CHAC1: variants seen among roughly 807,000 people sequenced by gnomAD.
The protein encoded by CHAC1 is ChaC glutathione specific gamma-glutamylcyclotransferase 1.
CHAC1 carries 22 observed loss-of-function variants against 22.1 expected under a neutral mutation model. That is an observed-to-expected ratio of 1.00 (90% CI 0.71 to 1.42). CHAC1 has a LOEUF of 1.42. Ranked by LOEUF, CHAC1 falls within the 40% of genes most tolerant of loss-of-function variation. The probability of loss-of-function intolerance (pLI) is 0.00; values close to 1 mark genes in which losing one functional copy is unlikely to be tolerated. For missense variants in CHAC1, 272 were observed against 299.2 expected (o/e 0.91, Z 0.67); for synonymous variants, 145 against 128.7 (o/e 1.13, Z -0.86).
rs754663494 is a variant in CHAC1, at chr15:40,953,826, A to C, written c.231+12A>C. ...GCAGCGACAAGATGGTGAGCATCCA[A>C]CCGTGCCCAGGGGAGTGAGGGGGTT... On this transcript the variant is annotated intron_variant, in intron 1 of 2. Coordinates refer to ENST00000617768, the MANE Select transcript of CHAC1 (RefSeq NM_024111.6). 17 of 1,572,178 alleles carry C rather than the reference A, an allele frequency of 1.1e-5. No homozygotes were observed. The highest frequency in any genetic ancestry group is 1.5e-5 in the Non-Finnish European group (17 of 1,162,136).
At chr15:40,954,082 C>T (rs1454558875) in intron 1 of CHAC1, 146 bp from the exon 2 acceptor site, 2 of 826,704 alleles carry the variant, frequency 2.4e-6, no homozygotes, top group Non-Finnish European at 4.0e-6. Flanking sequence ...GTGCATCGCT[C>T]CCCCACCTTC....
chr15:40,954,575 G>GTT (rs56101122), intron 2 of CHAC1, among the ~76,000 whole-genome samples: 7 of 149,806 alleles, frequency 4.7e-5, no homozygotes, highest in Admixed American at 2.7e-4. Context: ...TTTGTCAACT[G>GTT]TTTTTTTTTT....
chr15:40,953,926 C>A, intron 1 of CHAC1, 112 bp downstream of exon 1: 2 of 839,546 alleles, frequency 2.4e-6, no homozygotes, highest in East Asian at 2.6e-5. Flanking sequence ...ATGTGTAAAC[C>A]TGTGTCTGGG....
rs777628328 is a variant in CHAC1, at chr15:40,953,500, G to A, written c.-84G>A. ...GGAGCTACCGAGCGGTGCCAGGCCA[G>A]GTGTGTGCGTCCGTCGGTCTTTCCG... On this transcript the variant is annotated 5_prime_UTR_variant, in exon 1 of 3. Transcript: ENST00000617768. 17 of 1,585,186 alleles carry A rather than the reference G, an allele frequency of 1.1e-5. No individual in the cohort carries two copies. The highest frequency in any genetic ancestry group is 1.2e-5 in the Non-Finnish European group (14 of 1,169,130).
At position 40,953,534 on chromosome 15, in the gene CHAC1, C is replaced by T. The variant is rs149913206; in HGVS notation, c.-50C>T. 3.6e-3 allele frequency: 5,780 copies of T among 1,606,126 alleles called. 75 individuals carry two copies. Among genetic ancestry groups the T allele is most frequent in the South Asian group, 0.03 (2,767 of 90,860 alleles). On this transcript the variant is annotated 5_prime_UTR_variant, in exon 1 of 3. Transcript: ENST00000617768. ...GTCCGTCGGTCTTTCCGTGCCCACG[C>T]CGGAGACCAGCCCCGGAGGCCGCCT...
At position 40,955,280 on chromosome 15, in the gene CHAC1, G is replaced by A. The variant is rs544664243; in HGVS notation, c.268-93G>A. 2.8e-6 allele frequency: 4 copies of A among 1,405,272 alleles called. No individual in the cohort carries two copies. In the South Asian group the frequency reaches 5.1e-5, roughly 18 times the overall value. 87.1% of individuals were successfully genotyped at this position (1,405,272 alleles called of 1,614,324 possible). ...AGCCGACCACAGCCTCCCTTATAGA[G>A]CACAGTCCTGGGTGGGGGTGGCATG... is the stretch of plus-strand genomic sequence containing the variant. On this transcript the variant is annotated intron_variant, in intron 2 of 2. Coordinates refer to ENST00000617768, the MANE Select transcript of CHAC1 (RefSeq NM_024111.6).
chr15:40,954,672 T>C (rs1001359021), intron 2 of CHAC1, among the ~76,000 whole-genome samples: 1 of 152,110 alleles, frequency 6.6e-6, no homozygotes, highest in African/African-American at 2.4e-5. Context: ...GATGCAATCT[T>C]GGCTCACTGC....
intron 1 of CHAC1, among the ~76,000 whole-genome samples, 189 bp from the exon 2 acceptor site, chr15:40,954,039 A>ATT: frequency 6.6e-6 from 1 of 152,100 alleles, no homozygotes; most frequent in East Asian, 1.9e-4. Flanking sequence ...GACCACTGAC[A>ATT]TGTCAGTGTT....
intron 1 of CHAC1, 25 bp downstream of exon 1, chr15:40,953,839 G>A (rs1046078507): frequency 1.3e-6 from 2 of 1,546,390 alleles, no homozygotes; most frequent in East Asian, 4.5e-5. Context: ...GTGCCCAGGG[G>A]AGTGAGGGGG....
At position 40,955,779 on chromosome 15, in the gene CHAC1, C is replaced by G; in HGVS notation, c.*5C>G. 2.5e-5 allele frequency: 40 copies of G among 1,585,266 alleles called. No homozygotes were observed. Among genetic ancestry groups the G allele is most frequent in the Non-Finnish European group, 3.2e-5 (37 of 1,171,404 alleles). Reference sequence around the variant, plus strand: ...CAGGCTCTGGCGCTGGTGTGAGGGGCTGAGCCCCTGCGGGGAGTGCTCATG... The same window carrying G: ...CAGGCTCTGGCGCTGGTGTGAGGGGGTGAGCCCCTGCGGGGAGTGCTCATG... On this transcript the variant is annotated 3_prime_UTR_variant, in exon 3 of 3. Coordinates refer to ENST00000617768, the MANE Select transcript of CHAC1 (RefSeq NM_024111.6).
At position 40,954,273 on chromosome 15, in the gene CHAC1, C is replaced by T. The variant is rs1893179209; in HGVS notation, c.267+10C>T. ...CCTTGAAGATCATGAGGTAAGTGCC[C>T]GAATCATGAAGGGGAACCCTGGCCC... On this transcript the variant is annotated intron_variant, in intron 2 of 2. Coordinates refer to ENST00000617768, the MANE Select transcript of CHAC1 (RefSeq NM_024111.6). 1.2e-6 allele frequency: 2 copies of T among 1,613,876 alleles called. No individual in the cohort carries two copies. The highest frequency in any genetic ancestry group is 1.7e-6 in the Non-Finnish European group (2 of 1,179,924).
In CHAC1 at chr15:40,955,928, C is replaced by T; in HGVS notation, c.*154C>T. 2 of 724,904 alleles carry T rather than the reference C, an allele frequency of 2.8e-6. No individual in the cohort carries two copies. Among genetic ancestry groups the T allele is most frequent in the South Asian group, 2.0e-5 (1 of 51,072 alleles). The allele number at this position is 724,904 out of a possible 1,614,324, so 44.9% of individuals were successfully genotyped here. A position where few individuals can be genotyped will look rare whatever the true frequency, so the allele number is the denominator to read the frequency against. On this transcript the variant is annotated 3_prime_UTR_variant, in exon 3 of 3. Coordinates refer to ENST00000617768, the MANE Select transcript of CHAC1 (RefSeq NM_024111.6). ...TCTCAGTCCCTGCCTGTCTGCCAGC[C>T]TGCAGCTCTCCTGCTTGACACTGAC...
At chr15:40,954,384 C>T (rs1420231715) in intron 2 of CHAC1, 121 bp downstream of exon 2, 18 of 1,006,396 alleles carry the variant, frequency 1.8e-5, no homozygotes, top group Non-Finnish European at 2.6e-5. Context: ...AGAGTAGAAA[C>T]GTGTTCTAGC....
chr15:40,953,822 T>C lies in CHAC1; in HGVS notation c.231+8T>C. 6.3e-7 allele frequency: 1 copy of C among 1,579,928 alleles called. No individual in the cohort carries two copies. The highest frequency in any genetic ancestry group is 1.1e-5 in the South Asian group (1 of 89,014). On this transcript the variant is annotated splice_region_variant and intron_variant, in intron 1 of 2. Coordinates refer to ENST00000617768, the MANE Select transcript of CHAC1 (RefSeq NM_024111.6). ...CGGGGCAGCGACAAGATGGTGAGCA[T>C]CCAACCGTGCCCAGGGGAGTGAGGG...
At position 40,955,529 on chromosome 15, in the gene CHAC1, G is replaced by T; in HGVS notation, c.424G>T (p.Ala142Ser). 2 of 1,614,176 alleles carry T rather than the reference G, an allele frequency of 1.2e-6. No individual in the cohort carries two copies. The highest frequency in any genetic ancestry group is 1.7e-6 in the Non-Finnish European group (2 of 1,180,040). Residue 142 changes from alanine (A) to serine (S), a missense_variant, in exon 3 of 3, where the codon GCC becomes TCC. Coordinates refer to ENST00000617768, the MANE Select transcript of CHAC1 (RefSeq NM_024111.6). ...TCCTGACCAACCACTGAAGGCATTG[G>T]CCTATGTGGCCACCCCACAGAACCC... is the stretch of plus-strand genomic sequence containing the variant. ...DAPDQPLKAL[A>S]YVATPQNPGY...
At position 40,955,414 on chromosome 15, in the gene CHAC1, G is replaced by C. The variant is rs772909033; in HGVS notation, c.309G>C (p.Gln103His). The change falls in exon 3 of 3, where the codon CAG becomes CAC. Residue 103 changes from glutamine to histidine, a missense_variant. Physicochemically the swap from Gln to His is conservative, Grantham distance 24. Transcript: ENST00000617768. ...WGVAYQVQGE[Q>H]VSKALKYLNV... ...TGGCATACCAAGTGCAAGGGGAGCA[G>C]GTAAGCAAGGCCCTGAAGTACCTGA... The C allele has an allele frequency of 3.1e-6, 5 of 1,614,088 alleles. No homozygotes were observed. In the Admixed American group the frequency reaches 6.7e-5, roughly 22 times the overall value.
chr15:40,955,672 T>C lies in CHAC1; in HGVS notation c.567T>C (p.Cys189=). The change falls in exon 3 of 3, where the codon TGT becomes TGC. Residue 189 remains cysteine (C), a synonymous_variant. Coordinates refer to ENST00000617768, the MANE Select transcript of CHAC1 (RefSeq NM_024111.6). ...LLRLADFMQL[C]GPQAQDEHLA... Reference sequence around the variant, plus strand: ...GTCTGGCAGACTTCATGCAGCTCTGTGGGCCTCAGGCGCAGGACGAGCACC... The same window carrying C: ...GTCTGGCAGACTTCATGCAGCTCTGCGGGCCTCAGGCGCAGGACGAGCACC... The C allele has an allele frequency of 6.2e-7, 1 of 1,611,738 alleles. No individual in the cohort carries two copies. Among genetic ancestry groups the C allele is most frequent in the South Asian group, 1.1e-5 (1 of 91,090 alleles).
Position 40,956,488 on chromosome 15 carries a change from T to C in CHAC1, c.*714T>C, listed in dbSNP as rs888469303. On this transcript the variant is annotated 3_prime_UTR_variant, in exon 3 of 3. Transcript: ENST00000617768. ...GCAACCTTCCCAGTCTGTCCCATAC[T>C]GTTACCCATAAAACTATCTCTTTAT... is the stretch of plus-strand genomic sequence containing the variant. 2.0e-5 allele frequency: 3 copies of C among 152,452 alleles called. No individual in the cohort carries two copies. The highest frequency in any genetic ancestry group is 4.8e-5 in the African/African-American group (2 of 41,464). 9.4% of individuals were successfully genotyped at this position (152,452 alleles called of 1,614,324 possible).
chr15:40,954,118 C>T, intron 1 of CHAC1, 110 bp from the exon 2 acceptor site: 1 of 1,123,062 alleles, frequency 8.9e-7, no homozygotes, highest in Non-Finnish European at 1.3e-6. Context: ...ACTCAGCATG[C>T]AGAGTGGGGC....
Sources: allele counts gnomAD v4.1 joint callset (sites outside exome capture counted in the v4.1 genomes callset), GRCh38; gene constraint gnomAD v4.1.1; transcripts MANE v1.5; gene names NCBI Gene and HGNC (gene_info 2026-07-23, HGNC 2026-07-21).